The following PLEKHA5 variants were observed in gnomAD, a reference collection of about 807,000 sequenced individuals.
PLEKHA5 encodes pleckstrin homology domain containing A5, also known as pleckstrin homology domain-containing family A member 5.
A neutral mutation model predicts 181.9 loss-of-function variants in PLEKHA5; 55 were observed. The ratio of observed to expected loss-of-function variants is 0.30; its 90% CI spans 0.24 to 0.38. PLEKHA5 has a LOEUF of 0.38. PLEKHA5 is among the 10% of genes least tolerant of loss of function. PLEKHA5 has a pLI of 1.00. For synonymous variants in PLEKHA5, 535 were observed against 529.4 expected, an observed-to-expected ratio of 1.01 and a Z score of -0.15; for missense variants, 1,432 against 1,549.5, an observed-to-expected ratio of 0.92 and a Z score of 1.27.
intron 15 of PLEKHA5, among the ~76,000 whole-genome samples, chr12:19,304,770 T>C (rs1420893905): frequency 4.6e-5 from 7 of 150,990 alleles, no homozygotes; most frequent in African/African-American, 1.7e-4. Context: ...TTTTTTTTTC[T>C]TTTGCCAGAT....
Position 19,167,405 on chromosome 12 carries a change from A to ATTTTTTTTTTTTTTTTTTTTTTT in PLEKHA5, c.227+34962_227+34984dup, listed in dbSNP as rs56086557. ...CACTCTGCAAGTCTTCTGAGGCTTA[A>ATTTTTTTTTTTTTTTTTTTTTTT]TTTTTTTTTTTTTTTTTTTTTTTTT... is the stretch of plus-strand genomic sequence containing the variant. On this transcript the variant is annotated intron_variant, in intron 3 of 31. Coordinates refer to ENST00000429027, the MANE Select transcript of PLEKHA5 (RefSeq NM_001256470.2). 1.9e-4 allele frequency among the ~76,000 whole-genome samples: 17 copies of ATTTTTTTTTTTTTTTTTTTTTTT among 91,224 alleles called. 1 individual carries two copies. The highest frequency in any genetic ancestry group is 2.7e-4 in the African/African-American group (6 of 22,098). 59.8% of individuals were successfully genotyped at this position (91,224 alleles called of 152,430 possible). A position where few individuals can be genotyped will look rare whatever the true frequency, so the allele number is the denominator to read the frequency against.
At chr12:19,134,691 T>G (rs1259776077) in intron 3 of PLEKHA5, among the ~76,000 whole-genome samples, 1 of 152,158 alleles carries the variant, frequency 6.6e-6, no homozygotes, top group Non-Finnish European at 1.5e-5. Context: ...AACTTTACAA[T>G]TTAGAGTACC....
At chr12:19,179,331 G>A (rs1234115746) in intron 3 of PLEKHA5, among the ~76,000 whole-genome samples, 3 of 152,140 alleles carry the variant, frequency 2.0e-5, no homozygotes, top group Non-Finnish European at 4.4e-5. Flanking sequence ...GCTAAGGACT[G>A]GAGGGGAACC....
intron 16 of PLEKHA5, among the ~76,000 whole-genome samples, chr12:19,315,815 G>T (rs372177735): frequency 6.6e-6 from 1 of 152,106 alleles, no homozygotes; most frequent in Non-Finnish European, 1.5e-5. Context: ...ATTTGGTTCA[G>T]TTGCCATGGG....
chr12:19,320,099 T>C (rs1353005471), intron 17 of PLEKHA5, 43 bp downstream of exon 17: 3 of 726,746 alleles, frequency 4.1e-6, no homozygotes, highest in African/African-American at 1.9e-5. Flanking sequence ...CAATATGTTA[T>C]AGGTTTTGTT....
intron 12 of PLEKHA5, among the ~76,000 whole-genome samples, chr12:19,286,596 C>G (rs2077260713): frequency 6.6e-6 from 1 of 152,146 alleles, no homozygotes; most frequent in African/African-American, 2.4e-5. Context: ...ACTCTTGCCA[C>G]TAAATTTTCT....
At chr12:19,370,031 A>G (rs2095537255) in intron 31 of PLEKHA5, among the ~76,000 whole-genome samples, 1 of 152,260 alleles carries the variant, frequency 6.6e-6, no homozygotes, top group African/African-American at 2.4e-5. Flanking sequence ...TCATCCAGAA[A>G]AACAACAAAA....
At chr12:19,374,082 A>G (rs2095653603) in intron 31 of PLEKHA5, among the ~76,000 whole-genome samples, 1 of 152,216 alleles carries the variant, frequency 6.6e-6, no homozygotes, top group Non-Finnish European at 1.5e-5. Flanking sequence ...TATTATGCAT[A>G]TGCCATCTTT....
At position 19,210,237 on chromosome 12, in the gene PLEKHA5, C is replaced by T. The variant is rs564891562; in HGVS notation, c.228-43703C>T. On this transcript the variant is annotated intron_variant, in intron 3 of 31. Coordinates refer to ENST00000429027, the MANE Select transcript of PLEKHA5 (RefSeq NM_001256470.2). ...ATATTTATCTTTTCTTTCATTTTTC[C>T]ACAGACGTTTTGAAGTCCCCTGATA... Among the ~76,000 whole-genome samples the T allele has an allele frequency of 4.3e-4, 65 of 152,162 alleles. No homozygotes were observed. In the South Asian group the frequency reaches 0.013, roughly 30 times the overall value.
intron 3 of PLEKHA5, among the ~76,000 whole-genome samples, chr12:19,164,608 C>T (rs2043839225): frequency 6.6e-6 from 1 of 152,138 alleles, no homozygotes; most frequent in Non-Finnish European, 1.5e-5. Context: ...CCTTCTTTAC[C>T]TGGCTCAGCA....
intron 3 of PLEKHA5, among the ~76,000 whole-genome samples, chr12:19,251,755 A>C (rs2065379186): frequency 6.6e-6 from 1 of 151,670 alleles, no homozygotes; most frequent in African/African-American, 2.4e-5. Flanking sequence ...AAAAAAAAAA[A>C]AAAAAAAACT....
intron 15 of PLEKHA5, among the ~76,000 whole-genome samples, chr12:19,294,569 C>T (rs575806932): frequency 1.8e-4 from 28 of 152,234 alleles, no homozygotes; most frequent in African/African-American, 6.5e-4. Flanking sequence ...ATCAGAATAA[C>T]CCAAGACCAG....
chr12:19,161,097 TA>T (rs1156420906), intron 3 of PLEKHA5, among the ~76,000 whole-genome samples: 2 of 152,222 alleles, frequency 1.3e-5, no homozygotes, highest in African/African-American at 4.8e-5. Context: ...TGTCCCTTCT[TA>T]GTAGAGCTAT....
chr12:19,144,530 T>C (rs1374973554), intron 3 of PLEKHA5, among the ~76,000 whole-genome samples: 1 of 152,210 alleles, frequency 6.6e-6, no homozygotes, highest in African/African-American at 2.4e-5. Context: ...CTGGTTGATG[T>C]AAGTCAAAGT....
At chr12:19,357,652 G>A (rs898949957) in intron 26 of PLEKHA5, among the ~76,000 whole-genome samples, 2 of 146,892 alleles carry the variant, frequency 1.4e-5, no homozygotes, top group African/African-American at 5.2e-5. Flanking sequence ...TGTTTGAGAT[G>A]GCATCTGGCT....
intron 3 of PLEKHA5, among the ~76,000 whole-genome samples, chr12:19,177,452 G>A (rs1013843697): frequency 6.6e-6 from 1 of 151,966 alleles, no homozygotes; most frequent in Admixed American, 6.5e-5. Context: ...TGATAGATAG[G>A]GAAACTAAGG....
intron 3 of PLEKHA5, among the ~76,000 whole-genome samples, chr12:19,202,303 A>T (rs1270772209): frequency 6.6e-6 from 1 of 152,042 alleles, no homozygotes. Flanking sequence ...AAGATCTATT[A>T]TGTGAGGATT....
chr12:19,139,146 C>A (rs934212947), intron 3 of PLEKHA5, among the ~76,000 whole-genome samples: 2 of 151,952 alleles, frequency 1.3e-5, no homozygotes, highest in African/African-American at 4.8e-5. Flanking sequence ...AGCTGACAGG[C>A]CTTAGGAGTC....
At chr12:19,188,327 C>T (rs1350658099) in intron 3 of PLEKHA5, among the ~76,000 whole-genome samples, 1 of 152,132 alleles carries the variant, frequency 6.6e-6, no homozygotes, top group African/African-American at 2.4e-5. Context: ...TTGTTATTTC[C>T]CTCCTCTTTC....
Sources: allele counts gnomAD v4.1 joint callset (sites outside exome capture counted in the v4.1 genomes callset), GRCh38; gene constraint gnomAD v4.1.1; transcripts MANE v1.5; gene names NCBI Gene and HGNC (gene_info 2026-07-23, HGNC 2026-07-21).